Variants in RPL27 observed in about 807,000 individuals in gnomAD.
RPL27 encodes the protein large ribosomal subunit protein eL27.
For synonymous variants in RPL27, 77 were observed against 61.0 expected (o/e 1.26, Z -1.22); for missense variants, 131 against 174.3 (o/e 0.75, Z 1.40).
In RPL27 at chr17:43,002,948, T is replaced by C. The variant is rs1567739439; in HGVS notation, c.*28T>C. 27 of 1,570,612 alleles carry C rather than the reference T, an allele frequency of 1.7e-5. No homozygotes were observed. Among genetic ancestry groups the C allele is most frequent in the South Asian group, 2.2e-5 (2 of 89,930 alleles). On this transcript the variant is annotated 3_prime_UTR_variant, in exon 5 of 5. Transcript: ENST00000253788. The stretch of plus-strand genomic sequence containing the variant: ...GCTTTGTTTTGATCATTAAAAATTA[T>C]AAAGAAAAAAAGCCTGTGTCTGCAT...
At chr17:42,999,173 T>C (rs12451424) in intron 2 of RPL27, 108,129 of 179,494 alleles carry the variant, frequency 0.6, 35,224 homozygotes, top group East Asian at 0.84. Flanking sequence ...CTTTTCTTTT[T>C]TTTTTTTTTG....
Position 42,998,720 on chromosome 17 carries a change from A to T in RPL27, c.-2-29A>T, listed in dbSNP as rs374084646. The T allele has an allele frequency of 4.5e-6, 7 of 1,570,478 alleles. No individual in the cohort carries two copies. The African/African-American group carries it at 9.5e-5, about 21-fold the overall frequency. The stretch of plus-strand genomic sequence containing the variant: ...GGCATCTTTGGCTTTACGGATTTTT[A>T]AGTGGCCCTTTCTCCTTGCTCTCTG... On this transcript the variant is annotated intron_variant, in intron 1 of 4. Transcript: ENST00000253788.
At chr17:42,999,864 T>C (rs2050340334) in intron 2 of RPL27, 69 bp from the exon 3 acceptor site, 1 of 1,322,804 alleles carries the variant, frequency 7.6e-7, no homozygotes, top group South Asian at 1.2e-5. Flanking sequence ...TTTTGGACAC[T>C]GCACTACCTC....
chr17:43,001,239 A>G (rs184369513), intron 3 of RPL27, among the ~76,000 whole-genome samples: 59 of 152,246 alleles, frequency 3.9e-4, no homozygotes, highest in African/African-American at 1.3e-3. Flanking sequence ...GAGAATTGAG[A>G]AAGTCCTGAA....
At chr17:43,002,357 A>G (rs896478873) in intron 3 of RPL27, among the ~76,000 whole-genome samples, 2 of 151,438 alleles carry the variant, frequency 1.3e-5, no homozygotes, top group African/African-American at 2.4e-5. Flanking sequence ...AATACAAAAA[A>G]TTAGCCAGGC....
intron 3 of RPL27, 80 bp downstream of exon 3, chr17:43,000,182 A>G (rs981812809): frequency 2.7e-6 from 3 of 1,099,598 alleles, no homozygotes; most frequent in Admixed American, 4.0e-5. Context: ...AGCCATTCCA[A>G]CACCAGGAAG....
chr17:42,998,726 C>T (rs748560871), intron 1 of RPL27, 23 bp from the exon 2 acceptor site: 2 of 1,589,184 alleles, frequency 1.3e-6, no homozygotes, highest in Admixed American at 3.3e-5. Context: ...TTTTAAGTGG[C>T]CCTTTCTCCT....
Position 43,000,114 on chromosome 17 carries a change from A to G in RPL27, c.251+12A>G. 6.3e-7 allele frequency: 1 copy of G among 1,597,502 alleles called. No homozygotes were observed. The highest frequency in any genetic ancestry group is 1.7e-5 in the Admixed American group (1 of 59,904). ...CTAATGCCCACAAGGTGAGCATTTCAAGAACTAGAATTTAAATTTCTTCTC... is the reference window on the plus strand; with the variant it reads ...CTAATGCCCACAAGGTGAGCATTTCGAGAACTAGAATTTAAATTTCTTCTC... On this transcript the variant is annotated intron_variant, in intron 3 of 4. Coordinates refer to ENST00000253788, the MANE Select transcript of RPL27 (RefSeq NM_000988.5).
chr17:43,000,323 G>C (rs762740931), intron 3 of RPL27, among the ~76,000 whole-genome samples: 26 of 152,136 alleles, frequency 1.7e-4, no homozygotes, highest in Non-Finnish European at 3.5e-4. Flanking sequence ...CATGGGGTCT[G>C]ATCTGCCCTC....
At chr17:43,001,425 A>T (rs1252986821) in intron 3 of RPL27, among the ~76,000 whole-genome samples, 1 of 150,972 alleles carries the variant, frequency 6.6e-6, no homozygotes, top group Non-Finnish European at 1.5e-5. Flanking sequence ...CAGGAGTTCG[A>T]GACCAACCTG....
chr17:43,000,059 T>C lies in RPL27; in HGVS notation c.208T>C (p.Ser70Pro). The change falls in exon 3 of 5, where the codon TCT (serine) becomes CCT (proline). Residue 70 changes from serine (S) to proline (P), a missense_variant. Ser to Pro is a moderately conservative substitution (Grantham distance 74). Coordinates refer to ENST00000253788, the MANE Select transcript of RPL27 (RefSeq NM_000988.5). ...KKIAKRSKIKSFVKVYNYNHL... is the reference protein window; with the variant it reads ...KKIAKRSKIKPFVKVYNYNHL... Reference sequence around the variant, plus strand: ...GATCGCCAAGAGATCAAAGATAAAATCTTTTGTGAAAGTGTATAACTACAA... The same window carrying C: ...GATCGCCAAGAGATCAAAGATAAAACCTTTTGTGAAAGTGTATAACTACAA... 6.2e-7 allele frequency: 1 copy of C among 1,613,144 alleles called. No individual in the cohort carries two copies. The highest frequency in any genetic ancestry group is 8.5e-7 in the Non-Finnish European group (1 of 1,179,936).
In RPL27 at chr17:42,999,992, C is replaced by A. The variant is rs552420292; in HGVS notation, c.141C>A (p.Asp47Glu). The A allele has an allele frequency of 1.2e-6, 2 of 1,612,296 alleles. No homozygotes were observed. The highest frequency in any genetic ancestry group is 1.3e-5 in the African/African-American group (1 of 74,986). The change falls in exon 3 of 5, where the codon GAC (aspartate) becomes GAA (glutamate). Residue 47 changes from aspartate to glutamate, a missense_variant. Transcript: ENST00000253788. ...GCCATGCTCTGGTGGCTGGAATTGA[C>A]CGCTACCCCCGCAAAGTGACAGCTG... ...PYSHALVAGIDRYPRKVTAAM... is the reference protein window; with the variant it reads ...PYSHALVAGIERYPRKVTAAM...
At position 43,000,064 on chromosome 17, in the gene RPL27, T is replaced by C. The variant is rs1356766660; in HGVS notation, c.213T>C (p.Phe71=). The stretch of plus-strand genomic sequence containing the variant: ...CCAAGAGATCAAAGATAAAATCTTT[T>C]GTGAAAGTGTATAACTACAATCACC... ...KIAKRSKIKS[F]VKVYNYNHLM... The change falls in exon 3 of 5, where the codon TTT becomes TTC. Residue 71 remains phenylalanine (F), a synonymous_variant. Transcript: ENST00000253788. 6.2e-7 allele frequency: 1 copy of C among 1,613,192 alleles called. No individual in the cohort carries two copies. Among genetic ancestry groups the C allele is most frequent in the South Asian group, 1.1e-5 (1 of 91,046 alleles).
Position 43,002,140 on chromosome 17 carries a change from A to G in RPL27, c.252-533A>G, listed in dbSNP as rs1262661018. Among the ~76,000 whole-genome samples the G allele has an allele frequency of 2.0e-5, 3 of 151,826 alleles. No homozygotes were observed. In the South Asian group the frequency reaches 6.2e-4, roughly 31 times the overall value. ...TGATGATTCTTAGCTAGAAAAATAA[A>G]GTAGTTGTGGGAAATTGAGAATGAA... On this transcript the variant is annotated intron_variant, in intron 3 of 4. Coordinates refer to ENST00000253788, the MANE Select transcript of RPL27 (RefSeq NM_000988.5).
chr17:43,001,226 T>C (rs1427960365), intron 3 of RPL27, among the ~76,000 whole-genome samples: 1 of 150,980 alleles, frequency 6.6e-6, no homozygotes, highest in African/African-American at 2.4e-5. Flanking sequence ...GCAAAAGAGG[T>C]GCGAGAATTG....
intron 4 of RPL27, 35 bp from the exon 5 acceptor site, chr17:43,002,836 CT>C: frequency 1.2e-6 from 2 of 1,609,166 alleles, no homozygotes; most frequent in Non-Finnish European, 1.7e-6. Context: ...ATTTCCATTC[CT>C]TTCCTCATTG....
At chr17:43,002,041 C>T (rs1218939447) in intron 3 of RPL27, among the ~76,000 whole-genome samples, 1 of 151,398 alleles carries the variant, frequency 6.6e-6, no homozygotes, top group East Asian at 1.9e-4. Context: ...TTGCAGTGAG[C>T]CGAGATTGCG....
In RPL27 at chr17:43,002,954, A is replaced by G. The variant is rs1454389562; in HGVS notation, c.*34A>G. The G allele has an allele frequency of 1.3e-6, 2 of 1,533,932 alleles. No individual in the cohort carries two copies. Among genetic ancestry groups the G allele is most frequent in the East Asian group, 2.2e-5 (1 of 44,516 alleles). ...TTTTGATCATTAAAAATTATAAAGA[A>G]AAAAAGCCTGTGTCTGCATGCTGTA... is the stretch of plus-strand genomic sequence containing the variant. On this transcript the variant is annotated 3_prime_UTR_variant, in exon 5 of 5. Coordinates refer to ENST00000253788, the MANE Select transcript of RPL27 (RefSeq NM_000988.5).
At position 42,998,457 on chromosome 17, in the gene RPL27, G is replaced by A. The variant is rs1439889683; in HGVS notation, c.-17G>A. On this transcript the variant is annotated 5_prime_UTR_variant, in exon 1 of 5. Transcript: ENST00000253788. ...TTCTTTCCTTTTTGCTGGTAGGGCC[G>A]GGTGGTTGCTGCCGGTAAGTAGAAG... 1 of 295,160 alleles carries A rather than the reference G, an allele frequency of 3.4e-6. No homozygotes were observed. The highest frequency in any genetic ancestry group is 6.5e-6 in the Non-Finnish European group (1 of 154,302). The allele number at this position is 295,160 out of a possible 1,614,324, so 18.3% of individuals were successfully genotyped here.
Sources: allele counts gnomAD v4.1 joint callset (sites outside exome capture counted in the v4.1 genomes callset), GRCh38; gene constraint gnomAD v4.1.1; transcripts MANE v1.5; gene names NCBI Gene and HGNC (gene_info 2026-07-23, HGNC 2026-07-21).